Variants in ELOVL7 observed in about 807,000 individuals in gnomAD.
ELOVL7 encodes the protein ELOVL fatty acid elongase 7.
ELOVL7 carries 27 observed loss-of-function variants against 35.7 expected under a neutral mutation model. That is an observed-to-expected ratio of 0.76 (90% confidence interval 0.56 to 1.04). The LOEUF is 1.04. Ranked by LOEUF, ELOVL7 falls within the 50% of genes least tolerant of loss-of-function variation. The pLI is 0.00. For synonymous variants in ELOVL7, 113 were observed against 114.6 expected (o/e 0.99, Z 0.09); for missense variants, 327 against 340.8 (o/e 0.96, Z 0.32).
chr5:60,765,836 A>G (rs1683628037), intron 6 of ELOVL7, among the ~76,000 whole-genome samples: 1 of 152,254 alleles, frequency 6.6e-6, no homozygotes, highest in Admixed American at 6.5e-5. Context: ...TGCATTCCAA[A>G]GAAAACACAC....
chr5:60,779,847 C>T (rs1418266319), intron 3 of ELOVL7, among the ~76,000 whole-genome samples: 2 of 152,180 alleles, frequency 1.3e-5, no homozygotes, highest in Non-Finnish European at 2.9e-5. Flanking sequence ...CTTTTATGGT[C>T]CTTCCTCTTG....
chr5:60,829,911 A>G (rs1746382713), intron 1 of ELOVL7, among the ~76,000 whole-genome samples: 1 of 152,216 alleles, frequency 6.6e-6, no homozygotes, highest in African/African-American at 2.4e-5. Flanking sequence ...GTAGGGAGAT[A>G]GAAGAGAGAA....
intron 1 of ELOVL7, among the ~76,000 whole-genome samples, chr5:60,822,875 C>T (rs1329918642): frequency 1.5e-4 from 23 of 152,130 alleles, no homozygotes; most frequent in Admixed American, 1.5e-3. Flanking sequence ...TCAAATGCAT[C>T]AGAGAGGTTC....
At chr5:60,798,203 TAA>T (rs1744381317) in intron 2 of ELOVL7, among the ~76,000 whole-genome samples, 1 of 152,192 alleles carries the variant, frequency 6.6e-6, no homozygotes, top group Admixed American at 6.5e-5. Flanking sequence ...CTTTGGCAAA[TAA>T]AGTTTCAAAA....
chr5:60,833,634 A>G (rs1399453618), intron 1 of ELOVL7, among the ~76,000 whole-genome samples: 1 of 152,234 alleles, frequency 6.6e-6, no homozygotes, highest in Admixed American at 6.5e-5. Context: ...CTAAGTTATG[A>G]AGTAGTAAGC....
intron 2 of ELOVL7, among the ~76,000 whole-genome samples, chr5:60,794,309 C>G (rs576667728): frequency 5.9e-5 from 9 of 152,350 alleles, no homozygotes; most frequent in African/African-American, 2.2e-4. Context: ...CATAGGGCAA[C>G]CTACCTGGAG....
At chr5:60,784,132 G>T in intron 3 of ELOVL7, 1 of 1,519,154 alleles carries the variant, frequency 6.6e-7, no homozygotes, top group Non-Finnish European at 8.8e-7. Context: ...CTGCTTCTAA[G>T]AGAGTATTCT....
intron 1 of ELOVL7, among the ~76,000 whole-genome samples, chr5:60,841,525 G>A (rs1243720886): frequency 1.3e-5 from 2 of 152,014 alleles, no homozygotes; most frequent in African/African-American, 4.8e-5. Flanking sequence ...GCCTCTCCAT[G>A]CACAGCCAAT....
At chr5:60,799,252 AC>A (rs933062557) in intron 1 of ELOVL7, 22 bp from the exon 2 acceptor site, 8 of 152,122 alleles carry the variant, frequency 5.3e-5, no homozygotes, top group South Asian at 2.1e-4. Context: ...AAGAAAAAAA[AC>A]TTCAAATAAA....
intron 1 of ELOVL7, among the ~76,000 whole-genome samples, chr5:60,835,311 T>G (rs1746728010): frequency 6.6e-6 from 1 of 151,964 alleles, no homozygotes; most frequent in South Asian, 2.1e-4. Flanking sequence ...AGTTTTAACT[T>G]TCTAAGTGAA....
intron 3 of ELOVL7, among the ~76,000 whole-genome samples, chr5:60,776,490 T>C (rs946979228): frequency 6.6e-6 from 1 of 152,324 alleles, no homozygotes; most frequent in African/African-American, 2.4e-5. Flanking sequence ...TAATGGTGGA[T>C]TGGATAAAGA....
chr5:60,772,149 G>A (rs1267563290), intron 3 of ELOVL7, 56 bp from the exon 4 acceptor site: 13 of 1,176,734 alleles, frequency 1.1e-5, no homozygotes, highest in Non-Finnish European at 1.5e-5. Context: ...GTAACTAACA[G>A]CAACCAACAT....
At chr5:60,765,564 C>T (rs1035676655) in intron 6 of ELOVL7, among the ~76,000 whole-genome samples, 1 of 152,072 alleles carries the variant, frequency 6.6e-6, no homozygotes, top group African/African-American at 2.4e-5. Context: ...GGTCCCTGGA[C>T]CAATAAGTAT....
In ELOVL7 at chr5:60,822,764, AAAAG is replaced by A. The variant is rs1250997848; in HGVS notation, c.-86+21392_-86+21395del. Reference sequence around the variant, plus strand: ...GATGGAATCTCACAAAGGAGACAAAAAAAGAAAGAGTCAAAAAGACATGAGGAGA... The same window carrying A: ...GATGGAATCTCACAAAGGAGACAAAAAAAGAGTCAAAAAGACATGAGGAGA... On this transcript the variant is annotated intron_variant, in intron 1 of 8. Transcript: ENST00000508821. Among the ~76,000 whole-genome samples, 3 of 152,218 alleles carry A rather than the reference AAAAG, an allele frequency of 2.0e-5. No individual in the cohort carries two copies. In the East Asian group the frequency reaches 5.8e-4, roughly 29 times the overall value.
chr5:60,759,373 T>C (rs1447084592), intron 7 of ELOVL7, among the ~76,000 whole-genome samples: 3 of 152,170 alleles, frequency 2.0e-5, no homozygotes, highest in East Asian at 1.9e-4. Context: ...AAACACATTA[T>C]TGTGGTATAA....
At chr5:60,760,631 C>G (rs1259412693) in intron 7 of ELOVL7, among the ~76,000 whole-genome samples, 2 of 152,248 alleles carry the variant, frequency 1.3e-5, no homozygotes, top group East Asian at 3.9e-4. Flanking sequence ...TGTGCAGAAG[C>G]TCTTTAGTTT....
rs772826135 is a variant in ELOVL7 at position 60,787,367 on chromosome 5, C to T, written c.31G>A (p.Val11Met). The T allele has an allele frequency of 3.1e-6, 5 of 1,605,986 alleles. No homozygotes were observed. The highest frequency in any genetic ancestry group is 2.3e-5 in the East Asian group (1 of 44,296). Residue 11 changes from valine to methionine, a missense_variant, in exon 3 of 9, where the codon GTG becomes ATG. Coordinates refer to ENST00000508821, the MANE Select transcript of ELOVL7 (RefSeq NM_024930.3). MAFSDLTSRTVHLYDNWIKDA... is the reference protein window; with the variant it reads MAFSDLTSRTMHLYDNWIKDA... ...TTGATCCAATTATCATAAAGATGCACAGTCCTCGATGTAAGATCACTGAAG... is the reference window on the plus strand; with the variant it reads ...TTGATCCAATTATCATAAAGATGCATAGTCCTCGATGTAAGATCACTGAAG...
intron 2 of ELOVL7, among the ~76,000 whole-genome samples, chr5:60,789,843 G>A (rs568417349): frequency 6.6e-6 from 1 of 152,106 alleles, no homozygotes; most frequent in African/African-American, 2.4e-5. Flanking sequence ...ATCACTATTT[G>A]AAAAAAGCAA....
intron 3 of ELOVL7, among the ~76,000 whole-genome samples, chr5:60,775,013 G>A (rs1356199986): frequency 6.6e-6 from 1 of 151,866 alleles, no homozygotes; most frequent in South Asian, 2.1e-4. Flanking sequence ...ATCTGCCCAC[G>A]TTGGCCTCCC....
Sources: allele counts gnomAD v4.1 joint callset (sites outside exome capture counted in the v4.1 genomes callset), GRCh38; gene constraint gnomAD v4.1.1; transcripts MANE v1.5; gene names NCBI Gene and HGNC (gene_info 2026-07-23, HGNC 2026-07-21).